SLC41A2: variants seen among roughly 807,000 people sequenced by gnomAD.
SLC41A2 encodes SLC41A1-like 1.
Under a neutral mutation model 58.3 loss-of-function variants are expected in SLC41A2, and 32 were observed. The ratio of observed to expected loss-of-function variants is 0.55; its 90% CI spans 0.41 to 0.74. The LOEUF (loss-of-function observed/expected upper bound fraction) is 0.74. Ranked by LOEUF, SLC41A2 falls within the 30% of genes least tolerant of loss-of-function variation. The pLI is 0.00. For synonymous variants in SLC41A2, 190 were observed against 235.0 expected, an observed-to-expected ratio of 0.81 and a Z score of 1.75; for missense variants, 514 against 680.6, an observed-to-expected ratio of 0.76 and a Z score of 2.72.
chr12:104,914,025 G>A (rs1182336648), intron 2 of SLC41A2, among the ~76,000 whole-genome samples: 1 of 152,032 alleles, frequency 6.6e-6, no homozygotes, highest in Non-Finnish European at 1.5e-5. Context: ...CGGCGCCATT[G>A]CATTCCAGCC....
At chr12:104,882,214 T>C (rs2044412119) in intron 6 of SLC41A2, among the ~76,000 whole-genome samples, 1 of 152,178 alleles carries the variant, frequency 6.6e-6, no homozygotes, top group South Asian at 2.1e-4. Flanking sequence ...TGCATGTCTC[T>C]GCACATAAGA....
At chr12:104,900,093 T>C (rs1438075771) in intron 3 of SLC41A2, among the ~76,000 whole-genome samples, 2 of 152,158 alleles carry the variant, frequency 1.3e-5, no homozygotes, top group East Asian at 3.8e-4. Context: ...CTAATAAGAC[T>C]ATCAGTTTTC....
intron 6 of SLC41A2, among the ~76,000 whole-genome samples, chr12:104,884,676 C>T (rs551243015): frequency 1.7e-4 from 26 of 152,270 alleles, no homozygotes; most frequent in African/African-American, 6.0e-4. Flanking sequence ...AGAGACTTAT[C>T]TAATTAGTAA....
rs138016463 is a variant in SLC41A2, at chr12:104,892,244, C to T, written c.735+3030G>A. Among the ~76,000 whole-genome samples, 518 of 150,774 alleles carry T rather than the reference C, an allele frequency of 3.4e-3. 1 individual carries two copies. The highest frequency in any genetic ancestry group is 0.028 in the Middle Eastern group (8 of 290). On this transcript the variant is annotated intron_variant, in intron 4 of 10. Coordinates refer to ENST00000258538, the MANE Select transcript of SLC41A2 (RefSeq NM_001352171.3). ...CGGAGGCTGTAGTGAGCCGAGATCA[C>T]GCCATTGCACTCTAGCCTGGTAGCC... is the stretch of plus-strand genomic sequence containing the variant.
intron 10 of SLC41A2, among the ~76,000 whole-genome samples, chr12:104,832,059 A>C (rs1267414910): frequency 6.6e-6 from 1 of 152,202 alleles, no homozygotes; most frequent in Non-Finnish European, 1.5e-5. Context: ...TGGCAGAGCT[A>C]AAAAGTAACA....
chr12:104,885,037 CT>C (rs58588444), intron 6 of SLC41A2, among the ~76,000 whole-genome samples: 40 of 148,102 alleles, frequency 2.7e-4, no homozygotes, highest in East Asian at 1.2e-3. Flanking sequence ...ACTTCCTGTG[CT>C]TTTTTTTTTG....
At chr12:104,823,328 G>C (rs1385448004) in intron 10 of SLC41A2, among the ~76,000 whole-genome samples, 1 of 152,064 alleles carries the variant, frequency 6.6e-6, no homozygotes, top group Non-Finnish European at 1.5e-5. Flanking sequence ...ACCTACAGAA[G>C]AGTTTGCAAT....
At chr12:104,817,449 T>C (rs2041456864) in intron 10 of SLC41A2, among the ~76,000 whole-genome samples, 1 of 152,206 alleles carries the variant, frequency 6.6e-6, no homozygotes, top group South Asian at 2.1e-4. Context: ...CTTTACTTTA[T>C]AAATTTTTTA....
Position 104,936,823 on chromosome 12 carries a change from A to T in SLC41A2, c.-167-8129T>A, listed in dbSNP as rs60309179. 5.9e-3 allele frequency among the ~76,000 whole-genome samples: 897 copies of T among 152,360 alleles called. 16 individuals carry two copies. Among genetic ancestry groups the T allele is most frequent in the African/African-American group, 0.02 (844 of 41,582 alleles). On this transcript the variant is annotated intron_variant, in intron 1 of 10. Coordinates refer to ENST00000258538, the MANE Select transcript of SLC41A2 (RefSeq NM_001352171.3). ...TTAAAAGTAAAAGAAAAAAACAAAAATTGAAAAAAGTATATAGAATAAGGA... is the reference window on the plus strand; with the variant it reads ...TTAAAAGTAAAAGAAAAAAACAAAATTTGAAAAAAGTATATAGAATAAGGA...
chr12:104,872,561 C>T (rs1196488524), intron 6 of SLC41A2, among the ~76,000 whole-genome samples: 5 of 152,016 alleles, frequency 3.3e-5, no homozygotes, highest in Non-Finnish European at 7.4e-5. Context: ...TGGCAAAATC[C>T]CGTCTCTACT....
chr12:104,815,245 G>C (rs1449779043), intron 10 of SLC41A2, among the ~76,000 whole-genome samples: 1 of 152,136 alleles, frequency 6.6e-6, no homozygotes, highest in Non-Finnish European at 1.5e-5. Context: ...TTGTTTTAAA[G>C]CTGAATGATA....
intron 6 of SLC41A2, among the ~76,000 whole-genome samples, chr12:104,867,909 T>C (rs111699296): frequency 7.9e-5 from 12 of 152,020 alleles, no homozygotes; most frequent in African/African-American, 2.9e-4. Flanking sequence ...TTGAACTACA[T>C]ACAAATCCCA....
chr12:104,853,911 A>ATTATTATTATTTT lies in SLC41A2; in HGVS notation c.1255+7379_1255+7380insAAAATAATAATAA. Among the ~76,000 whole-genome samples the ATTATTATTATTTT allele has an allele frequency of 2.0e-3, 118 of 59,472 alleles. 8 individuals are homozygous for ATTATTATTATTTT. Among genetic ancestry groups the ATTATTATTATTTT allele is most frequent in the Admixed American group, 4.3e-3 (20 of 4,648 alleles). 39.0% of individuals were successfully genotyped at this position (59,472 alleles called of 152,430 possible). ...GGGTGCATGTCACCATGCCTGGCTG[A>ATTATTATTATTTT]TTTTTTTTTTTTTTTTTTTTTTTTT... On this transcript the variant is annotated intron_variant, in intron 8 of 10. Coordinates refer to ENST00000258538, the MANE Select transcript of SLC41A2 (RefSeq NM_001352171.3).
chr12:104,893,405 G>A (rs2045114509), intron 4 of SLC41A2, among the ~76,000 whole-genome samples: 1 of 152,164 alleles, frequency 6.6e-6, no homozygotes, highest in South Asian at 2.1e-4. Context: ...CACTGTTGGT[G>A]GGAATGTAAA....
At chr12:104,916,022 G>A (rs1443215360) in intron 2 of SLC41A2, among the ~76,000 whole-genome samples, 2 of 152,158 alleles carry the variant, frequency 1.3e-5, no homozygotes, top group Non-Finnish European at 2.9e-5. Context: ...CATCTATTGA[G>A]ATAATCATGT....
intron 1 of SLC41A2, among the ~76,000 whole-genome samples, chr12:104,948,424 C>CT (rs151203568): frequency 1.6e-4 from 24 of 152,242 alleles, no homozygotes; most frequent in African/African-American, 5.5e-4. Flanking sequence ...GAAAGGAGAT[C>CT]ACCCATTCTA....
intron 10 of SLC41A2, among the ~76,000 whole-genome samples, chr12:104,812,291 T>C (rs1041051957): frequency 2.6e-5 from 4 of 152,168 alleles, no homozygotes; most frequent in African/African-American, 4.8e-5. Context: ...AAGACAGAGA[T>C]GTGATGTGAA....
intron 1 of SLC41A2, among the ~76,000 whole-genome samples, chr12:104,934,870 G>A (rs976539742): frequency 6.6e-6 from 1 of 152,174 alleles, no homozygotes; most frequent in African/African-American, 2.4e-5. Context: ...ATGGGCGGTG[G>A]GGAGGAAGAG....
rs891890233 is a variant in SLC41A2 at position 104,956,594 on chromosome 12, G to A, written c.-168+1494C>T. Among the ~76,000 whole-genome samples the A allele has an allele frequency of 5.3e-5, 8 of 152,178 alleles. No individual in the cohort carries two copies. The South Asian group carries it at 1.5e-3, about 28-fold the overall frequency. ...CTTGGGAGGCTGAGGCAGGAGAATC[G>A]CTTGAACCCCGGAGGTGGAGGTTGC... On this transcript the variant is annotated intron_variant, in intron 1 of 10. Coordinates refer to ENST00000258538, the MANE Select transcript of SLC41A2 (RefSeq NM_001352171.3).
Sources: gnomAD v4.1 joint callset for allele counts (sites outside exome capture counted in the v4.1 genomes callset) on GRCh38, gnomAD v4.1.1 for gene constraint, MANE v1.5 for transcripts, NCBI Gene and HGNC (gene_info 2026-07-23, HGNC 2026-07-21) for gene names.